Variants in LIMA1 observed in about 807,000 individuals in gnomAD.
LIMA1 encodes the protein LIM domain and actin binding 1.
A neutral mutation model predicts 62.6 loss-of-function variants in LIMA1; 52 were observed. The ratio of observed to expected loss-of-function variants is 0.83; its 90% CI spans 0.67 to 1.05. The LOEUF is 1.05. Among genes scored for constraint, LIMA1 ranks in the 50% least tolerant of loss-of-function variants. The probability of loss-of-function intolerance (pLI) is 0.00; values close to 1 mark genes in which losing one functional copy is unlikely to be tolerated. For missense variants in LIMA1, 780 were observed against 902.2 expected (o/e 0.86, Z 1.74); for synonymous variants, 302 against 317.8 (o/e 0.95, Z 0.53).
chr12:50,265,073 A>T (rs910060126), intron 1 of LIMA1, among the ~76,000 whole-genome samples: 2 of 151,370 alleles, frequency 1.3e-5, no homozygotes, highest in African/African-American at 4.9e-5. Context: ...AGATTGCCTG[A>T]GCCTAGGAGA....
chr12:50,201,257 C>T (rs988251286), intron 6 of LIMA1: 2 of 1,025,128 alleles, frequency 2.0e-6, no homozygotes, highest in African/African-American at 3.5e-5. Flanking sequence ...CATTCTGGAG[C>T]AGGGGAAAGG....
intron 1 of LIMA1, among the ~76,000 whole-genome samples, chr12:50,249,442 T>C (rs932504069): frequency 6.6e-6 from 1 of 152,252 alleles, no homozygotes; most frequent in Non-Finnish European, 1.5e-5. Flanking sequence ...ATTACAGTAG[T>C]ATTAAGAGCA....
chr12:50,209,567 C>CAAAAAA (rs1203309856), intron 4 of LIMA1, among the ~76,000 whole-genome samples: 173 of 60,440 alleles, frequency 2.9e-3, no homozygotes, highest in African/African-American at 3.6e-3. Flanking sequence ...GACTCCATCT[C>CAAAAAA]AAAAAAAAAA....
chr12:50,195,977 C>T (rs1940922569), intron 7 of LIMA1, 90 bp from the exon 8 acceptor site: 1 of 1,321,312 alleles, frequency 7.6e-7, no homozygotes, highest in South Asian at 1.5e-5. Context: ...GCCATAAAAA[C>T]CTGCTGACTC....
At chr12:50,234,918 G>A (rs1941668581) in intron 2 of LIMA1, among the ~76,000 whole-genome samples, 1 of 152,012 alleles carries the variant, frequency 6.6e-6, no homozygotes, top group Non-Finnish European at 1.5e-5. Flanking sequence ...GGCTGAGATA[G>A]GAGGATTCCT....
chr12:50,220,330 G>C (rs1941419278), intron 4 of LIMA1, among the ~76,000 whole-genome samples: 1 of 152,116 alleles, frequency 6.6e-6, no homozygotes, highest in African/African-American at 2.4e-5. Flanking sequence ...AAAATGCTGG[G>C]ATTACAGGCT....
chr12:50,189,317 T>TC (rs1322558399), intron 9 of LIMA1: 1 of 152,194 alleles, frequency 6.6e-6, no homozygotes, highest in Non-Finnish European at 1.5e-5. Flanking sequence ...CTCCCTGATG[T>TC]CCCCTCCTCT....
chr12:50,222,346 T>G lies in LIMA1; in HGVS notation c.305A>C (p.Asp102Ala), dbSNP rs1592532849. 1.9e-6 allele frequency: 3 copies of G among 1,614,144 alleles called. No individual in the cohort carries two copies. Among genetic ancestry groups the G allele is most frequent in the Non-Finnish European group, 2.5e-6 (3 of 1,180,034 alleles). The stretch of plus-strand genomic sequence containing the variant: ...GCTTGTCACTTCAGCAGGAGGATGG[T>G]CTGCTCTGTGCCTAATCTCAGTGCT... ...NSSTEIRHRA[D>A]HPPAEVTSHA... The change falls in exon 4 of 11, where the codon GAC becomes GCC. Residue 102 changes from aspartate (D) to alanine (A), a missense_variant. Physicochemically the swap from Asp to Ala is moderately radical, Grantham distance 126 (BLOSUM62 -2). Coordinates refer to ENST00000341247, the MANE Select transcript of LIMA1 (RefSeq NM_016357.5).
rs549009204 is a variant in LIMA1 at position 50,222,199 on chromosome 12, A to C, written c.452T>G (p.Leu151Arg). ...TTTACTTTCTGTTGAGTGGTCTTTAAGATCCTCACCGTCCTTGATGTGGGG... is the reference window on the plus strand; with the variant it reads ...TTTACTTTCTGTTGAGTGGTCTTTACGATCCTCACCGTCCTTGATGTGGGG... The part of the protein sequence containing the change: ...RYPHIKDGED[L>R]KDHSTESKKM... Residue 151 changes from leucine to arginine, a missense_variant, in exon 4 of 11, where the codon CTT becomes CGT. Physicochemically the swap from Leu to Arg is moderately radical, Grantham distance 102. Transcript: ENST00000341247. 6 of 1,614,190 alleles carry C rather than the reference A, an allele frequency of 3.7e-6. No individual in the cohort carries two copies. In the South Asian group the frequency reaches 6.6e-5, roughly 18 times the overall value.
chr12:50,280,496 A>G (rs1164970021), intron 1 of LIMA1, among the ~76,000 whole-genome samples: 2 of 152,150 alleles, frequency 1.3e-5, no homozygotes, highest in African/African-American at 4.8e-5. Context: ...AAAGAACATC[A>G]AAAGAATGTA....
In LIMA1 at chr12:50,245,284, A is replaced by G. The variant is rs796768259; in HGVS notation, c.119+3349T>C. Among the ~76,000 whole-genome samples the G allele has an allele frequency of 3.3e-5, 5 of 152,072 alleles. No individual in the cohort carries two copies. In the East Asian group the frequency reaches 9.7e-4, roughly 29 times the overall value. ...AAAAATTAGACGGGCATGGTGGTGC[A>G]TGCCTGTGGTCCCAGCTACTTGGGA... is the stretch of plus-strand genomic sequence containing the variant. On this transcript the variant is annotated intron_variant, in intron 2 of 10. Transcript: ENST00000341247.
At chr12:50,178,471 C>T (rs929749138) in intron 10 of LIMA1, among the ~76,000 whole-genome samples, 1 of 150,548 alleles carries the variant, frequency 6.6e-6, no homozygotes, top group South Asian at 2.1e-4. Context: ...CACTTGAACC[C>T]GGGAGGCAGA....
intron 4 of LIMA1, among the ~76,000 whole-genome samples, chr12:50,208,914 A>C (rs903519200): frequency 1.3e-5 from 2 of 152,004 alleles, no homozygotes; most frequent in Admixed American, 6.6e-5. Context: ...GACCCTGCTC[A>C]AAAAGTAATA....
At chr12:50,181,006 G>A (rs558348794) in intron 10 of LIMA1, among the ~76,000 whole-genome samples, 4 of 151,656 alleles carry the variant, frequency 2.6e-5, no homozygotes, top group African/African-American at 7.3e-5. Context: ...CAGCTACTTG[G>A]GAGGCTGAGG....
chr12:50,195,126 C>A (rs1412098332), intron 8 of LIMA1, among the ~76,000 whole-genome samples: 1 of 151,984 alleles, frequency 6.6e-6, no homozygotes, highest in East Asian at 1.9e-4. Flanking sequence ...CTGCTTGAGC[C>A]CAGGAGTTTG....
intron 6 of LIMA1, chr12:50,201,668 G>C (rs967704767): frequency 3.2e-6 from 1 of 311,434 alleles, no homozygotes; most frequent in Admixed American, 6.5e-5. Flanking sequence ...AAGCTGAGGC[G>C]GGTGGATCGC....
rs2138556486 is a variant in LIMA1 at position 50,222,107 on chromosome 12, C to T, written c.544G>A (p.Asp182Asn). The T allele has an allele frequency of 1.9e-6, 3 of 1,614,202 alleles. No homozygotes were observed. The highest frequency in any genetic ancestry group is 2.5e-6 in the Non-Finnish European group (3 of 1,180,030). ...TATTTCTCTATTTTGCCCGAAGCAT[C>T]TGTGTTTTCACTGATTTCTGATTTT... ...VEKSEISENTDASGKIEKYNV... is the reference protein window; with the variant it reads ...VEKSEISENTNASGKIEKYNV... The change falls in exon 4 of 11, where the codon GAT becomes AAT. Residue 182 changes from aspartate (D) to asparagine (N), a missense_variant. Coordinates refer to ENST00000341247, the MANE Select transcript of LIMA1 (RefSeq NM_016357.5).
intron 2 of LIMA1, among the ~76,000 whole-genome samples, chr12:50,246,115 C>T (rs1941845269): frequency 6.6e-6 from 1 of 151,712 alleles, no homozygotes; most frequent in Non-Finnish European, 1.5e-5. Flanking sequence ...GCCTGTAATC[C>T]CAGCTACTCG....
chr12:50,202,670 A>T (rs1941075027), intron 6 of LIMA1, among the ~76,000 whole-genome samples: 1 of 152,220 alleles, frequency 6.6e-6, no homozygotes, highest in Non-Finnish European at 1.5e-5. Context: ...AATTACAGTT[A>T]AAAAACCAAG....
Sources: allele counts gnomAD v4.1 joint callset (sites outside exome capture counted in the v4.1 genomes callset), GRCh38; gene constraint gnomAD v4.1.1; transcripts MANE v1.5; gene names NCBI Gene and HGNC (gene_info 2026-07-23, HGNC 2026-07-21).